The following ZNRF3 variants were observed in gnomAD, a reference collection of about 807,000 sequenced individuals.
ZNRF3 encodes the protein zinc and ring finger 3, also known as E3 ubiquitin-protein ligase ZNRF3.
ZNRF3 carries 23 observed loss-of-function variants against 72.5 expected under a neutral mutation model. The ratio of observed to expected loss-of-function variants is 0.32; its 90% CI spans 0.23 to 0.45. ZNRF3 has a LOEUF of 0.45. Ranked by LOEUF, ZNRF3 falls within the 20% of genes least tolerant of loss-of-function variation. ZNRF3 has a pLI of 1.00. For synonymous variants in ZNRF3, 610 were observed against 545.3 expected (o/e 1.12, Z -1.65); for missense variants, 1,169 against 1,272.1 (o/e 0.92, Z 1.23).
chr22:28,920,429 C>T (rs1033638471), intron 1 of ZNRF3, among the ~76,000 whole-genome samples: 1 of 150,956 alleles, frequency 6.6e-6, no homozygotes, highest in African/African-American at 2.4e-5. Context: ...CACCACCACG[C>T]CCAGCTAATT....
intron 1 of ZNRF3, among the ~76,000 whole-genome samples, chr22:28,982,433 C>CAAAAAAAAAAAAAAAAAAAAAAAAAAAAA (rs61589852): frequency 1.3e-5 from 1 of 76,532 alleles, no homozygotes; most frequent in Non-Finnish European, 2.5e-5. Flanking sequence ...CCTGTCTCTA[C>CAAAAAAAAAAAAAAAAAAAAAAAAAAAAA]AAAAAAAAAA....
At chr22:28,897,149 T>C (rs867617048) in intron 1 of ZNRF3, among the ~76,000 whole-genome samples, 1 of 152,168 alleles carries the variant, frequency 6.6e-6, no homozygotes, top group Non-Finnish European at 1.5e-5. Context: ...GTCACATCAG[T>C]CTCTTGATCA....
chr22:29,054,368 A>T lies in ZNRF3; in HGVS notation c.*746A>T, dbSNP rs2014619676. 6.6e-6 allele frequency: 1 copy of T among 152,364 alleles called. No homozygotes were observed. The highest frequency in any genetic ancestry group is 1.5e-5 in the Non-Finnish European group (1 of 68,174). 9.4% of individuals were successfully genotyped at this position (152,364 alleles called of 1,614,324 possible). ...TGAAAGCTCCAGGGTGATGGGGACGATTCTGCCCAGTGTCCTCAGTCTGTC... is the reference window on the plus strand; with the variant it reads ...TGAAAGCTCCAGGGTGATGGGGACGTTTCTGCCCAGTGTCCTCAGTCTGTC... On this transcript the variant is annotated 3_prime_UTR_variant, in exon 9 of 9. Transcript: ENST00000544604.
At chr22:28,985,054 G>A (rs2035830978) in intron 1 of ZNRF3, among the ~76,000 whole-genome samples, 1 of 152,164 alleles carries the variant, frequency 6.6e-6, no homozygotes, top group Non-Finnish European at 1.5e-5. Context: ...ATGAGCTTGT[G>A]CAACCCCTTT....
intron 1 of ZNRF3, among the ~76,000 whole-genome samples, chr22:28,951,928 C>T (rs184022515): frequency 1.3e-3 from 205 of 152,362 alleles, no homozygotes; most frequent in African/African-American, 4.7e-3. Flanking sequence ...TTGCATGTAC[C>T]TCTTCCCCTG....
chr22:28,969,924 T>G (rs979711423), intron 1 of ZNRF3, among the ~76,000 whole-genome samples: 1 of 151,972 alleles, frequency 6.6e-6, no homozygotes, highest in African/African-American at 2.4e-5. Flanking sequence ...GTAGGTAAAG[T>G]CGGCAGAATT....
intron 1 of ZNRF3, among the ~76,000 whole-genome samples, chr22:28,937,208 TATATA>T (rs1312050163): frequency 0.11 from 403 of 3,784 alleles, 1 homozygote; most frequent in Non-Finnish European, 0.23. Flanking sequence ...TATATATATA[TATATA>T]TATTTTTTTT....
chr22:29,022,282 C>T (rs571448404), intron 2 of ZNRF3, among the ~76,000 whole-genome samples: 2 of 152,286 alleles, frequency 1.3e-5, no homozygotes, highest in African/African-American at 4.8e-5. Flanking sequence ...GTACATTAAC[C>T]AACTAATGGC....
At chr22:28,974,468 C>T (rs763766617) in intron 1 of ZNRF3, among the ~76,000 whole-genome samples, 1 of 152,154 alleles carries the variant, frequency 6.6e-6, no homozygotes, top group Non-Finnish European at 1.5e-5. Flanking sequence ...GGGCTCAGCT[C>T]TTAATCACTG....
intron 1 of ZNRF3, among the ~76,000 whole-genome samples, chr22:28,915,851 C>T (rs1427698598): frequency 3.9e-5 from 6 of 152,128 alleles, no homozygotes; most frequent in East Asian, 1.9e-4. Context: ...ACACGGGCAC[C>T]GCCCCCATAT....
chr22:28,909,690 C>T (rs1033924695), intron 1 of ZNRF3, among the ~76,000 whole-genome samples: 2 of 151,802 alleles, frequency 1.3e-5, no homozygotes, highest in Non-Finnish European at 2.9e-5. Flanking sequence ...AAGGGATCCT[C>T]CTGCCTCAGC....
chr22:29,035,217 C>T (rs2036845601), intron 2 of ZNRF3, among the ~76,000 whole-genome samples: 1 of 152,088 alleles, frequency 6.6e-6, no homozygotes. Flanking sequence ...TTCTGTTAAT[C>T]TCCAAGGGTA....
At chr22:28,980,016 GGA>G (rs1473211733) in intron 1 of ZNRF3, among the ~76,000 whole-genome samples, 7 of 152,204 alleles carry the variant, frequency 4.6e-5, no homozygotes, top group Non-Finnish European at 8.8e-5. Context: ...AGAAGGTGAA[GGA>G]GAGAGCTTTC....
At chr22:28,913,087 T>C (rs1338136576) in intron 1 of ZNRF3, among the ~76,000 whole-genome samples, 1 of 152,266 alleles carries the variant, frequency 6.6e-6, no homozygotes, top group East Asian at 1.9e-4. Context: ...AGATGTATAC[T>C]TTCTTAAGCC....
chr22:29,019,186 A>G (rs2123858442), intron 2 of ZNRF3, among the ~76,000 whole-genome samples: 1 of 152,092 alleles, frequency 6.6e-6, no homozygotes, highest in African/African-American at 2.4e-5. Context: ...TTCTGCTGGC[A>G]TTGTATTTGC....
intron 1 of ZNRF3, among the ~76,000 whole-genome samples, chr22:28,887,460 G>C (rs2033813094): frequency 6.6e-6 from 1 of 152,050 alleles, no homozygotes; most frequent in Non-Finnish European, 1.5e-5. Flanking sequence ...CAAACCTTAG[G>C]ATTCGTCATC....
At chr22:29,031,979 T>C (rs959052920) in intron 2 of ZNRF3, among the ~76,000 whole-genome samples, 3 of 152,210 alleles carry the variant, frequency 2.0e-5, no homozygotes, top group African/African-American at 7.2e-5. Context: ...ACCATTGAGT[T>C]GGGGATTTTG....
At chr22:28,968,127 C>G (rs2035508387) in intron 1 of ZNRF3, among the ~76,000 whole-genome samples, 1 of 152,080 alleles carries the variant, frequency 6.6e-6, no homozygotes, top group Non-Finnish European at 1.5e-5. Context: ...TAGGTCTGCC[C>G]TCTGTGTCAC....
intron 1 of ZNRF3, among the ~76,000 whole-genome samples, chr22:28,895,048 T>G (rs1026655036): frequency 6.6e-6 from 1 of 152,144 alleles, no homozygotes; most frequent in Non-Finnish European, 1.5e-5. Context: ...TGCCTGGCCC[T>G]GTAGACACTG....
Sources: allele counts gnomAD v4.1 joint callset (sites outside exome capture counted in the v4.1 genomes callset), GRCh38; gene constraint gnomAD v4.1.1; transcripts MANE v1.5; gene names NCBI Gene and HGNC (gene_info 2026-07-23, HGNC 2026-07-21).